Variants in CEP85L observed in about 807,000 individuals in gnomAD.
The protein encoded by CEP85L is centrosomal protein of 85 kDa-like.
In CEP85L, 60 loss-of-function variants were observed where a neutral mutation model predicts 100.3. That is an observed-to-expected ratio of 0.60 (90% CI 0.49 to 0.74). CEP85L has a LOEUF of 0.74. Among genes scored for constraint, CEP85L ranks in the 30% least tolerant of loss-of-function variants. CEP85L has a pLI of 0.00. For synonymous variants in CEP85L, 319 were observed against 322.7 expected (o/e 0.99, Z 0.12); for missense variants, 973 against 936.2 (o/e 1.04, Z -0.51).
At chr6:118,559,171 A>G in intron 3 of CEP85L, 2 of 933,982 alleles carry the variant, frequency 2.1e-6, no homozygotes, top group Non-Finnish European at 3.6e-6. Flanking sequence ...TGTATAACAG[A>G]CCACTTCCTG....
intron 3 of CEP85L, among the ~76,000 whole-genome samples, chr6:118,543,401 A>C (rs1288212170): frequency 6.6e-6 from 1 of 152,168 alleles, no homozygotes; most frequent in African/African-American, 2.4e-5. Context: ...AAAATATCTT[A>C]TTGAGCCTTC....
intron 3 of CEP85L, among the ~76,000 whole-genome samples, chr6:118,563,764 T>A (rs1779352471): frequency 6.6e-6 from 1 of 152,196 alleles, no homozygotes; most frequent in South Asian, 2.1e-4. Flanking sequence ...AGTCAATGTT[T>A]CAAAGAGGCT....
intron 2 of CEP85L, among the ~76,000 whole-genome samples, chr6:118,566,574 C>T (rs565636492): frequency 3.3e-5 from 5 of 151,964 alleles, no homozygotes; most frequent in African/African-American, 9.7e-5. Flanking sequence ...CCTGCCAGCA[C>T]GCCCGACTAA....
chr6:118,533,989 G>A (rs967724754), intron 3 of CEP85L, among the ~76,000 whole-genome samples: 2 of 152,072 alleles, frequency 1.3e-5, no homozygotes, highest in Non-Finnish European at 2.9e-5. Flanking sequence ...CAGCTACTCG[G>A]GAGGCTGAGG....
At chr6:118,562,296 A>G (rs575476937) in intron 3 of CEP85L, among the ~76,000 whole-genome samples, 8 of 152,322 alleles carry the variant, frequency 5.3e-5, no homozygotes, top group African/African-American at 1.9e-4. Flanking sequence ...GTTATAAATA[A>G]AACTTTTTCA....
intron 2 of CEP85L, among the ~76,000 whole-genome samples, chr6:118,608,364 G>A (rs545219700): frequency 2.6e-5 from 4 of 151,990 alleles, no homozygotes; most frequent in African/African-American, 4.8e-5. Context: ...GCGTGGTGGC[G>A]TACGCCTGAA....
upstream of CEP85L, among the ~76,000 whole-genome samples, chr6:118,655,353 G>A (rs1398548248): frequency 2.6e-5 from 4 of 152,208 alleles, no homozygotes; most frequent in Non-Finnish European, 1.5e-5. Flanking sequence ...GGGAGGGATA[G>A]AATTCTGCCA....
intron 10 of CEP85L, among the ~76,000 whole-genome samples, chr6:118,473,825 A>C (rs1297211047): frequency 6.6e-6 from 1 of 152,186 alleles, no homozygotes; most frequent in East Asian, 1.9e-4. Context: ...TGAGGAGTCA[A>C]GGATAAATCT....
At chr6:118,606,146 T>A (rs558267428) in intron 2 of CEP85L, among the ~76,000 whole-genome samples, 2 of 151,992 alleles carry the variant, frequency 1.3e-5, no homozygotes, top group Non-Finnish European at 2.9e-5. Context: ...GTTAAATATA[T>A]CTATAGCTTG....
At chr6:118,681,301 G>A (rs1776649726) in intron 1 of CEP85L, among the ~76,000 whole-genome samples, 1 of 152,158 alleles carries the variant, frequency 6.6e-6, no homozygotes, top group African/African-American at 2.4e-5. Flanking sequence ...AGAGCATTCT[G>A]TGCTGAGGTA....
chr6:118,709,530 G>GGTGTGTGTGTGTGTGT (rs1348981081), intron 1 of CEP85L, among the ~76,000 whole-genome samples: 2 of 9,226 alleles, frequency 2.2e-4, no homozygotes, highest in Non-Finnish European at 7.0e-4. Flanking sequence ...AACAACAATT[G>GGTGTGTGTGTGTGTGT]GCGTGTGTGT....
intron 1 of CEP85L, among the ~76,000 whole-genome samples, chr6:118,636,707 G>A (rs1774515040): frequency 6.6e-6 from 1 of 152,146 alleles, no homozygotes; most frequent in African/African-American, 2.4e-5. Context: ...AATTCTTCCT[G>A]CCTGATCCCC....
rs1775556251 is a variant in CEP85L at position 118,651,458 on chromosome 6, G to A, written c.-189C>T. On this transcript the variant is annotated 5_prime_UTR_variant, in exon 1 of 13. Coordinates refer to ENST00000368491, the MANE Select transcript of CEP85L (RefSeq NM_001042475.3). Reference sequence around the variant, plus strand: ...CAGGGGCCAGATTCGCCGCACTGCCGGCGCCTGCCATGGCCAAGCCGGCTG... The same window carrying A: ...CAGGGGCCAGATTCGCCGCACTGCCAGCGCCTGCCATGGCCAAGCCGGCTG... The A allele has an allele frequency of 4.5e-6, 6 of 1,319,876 alleles. No homozygotes were observed. The highest frequency in any genetic ancestry group is 5.8e-6 in the Non-Finnish European group (6 of 1,038,252). 81.8% of individuals were successfully genotyped at this position (1,319,876 alleles called of 1,614,324 possible).
At chr6:118,538,515 T>C (rs896433367) in intron 3 of CEP85L, among the ~76,000 whole-genome samples, 1 of 152,080 alleles carries the variant, frequency 6.6e-6, no homozygotes, top group African/African-American at 2.4e-5. Flanking sequence ...CTCTTTTCTT[T>C]TGGAGGGAGA....
intron 3 of CEP85L, 32 bp from the exon 4 acceptor site, chr6:118,523,952 T>C: frequency 1.2e-6 from 1 of 864,680 alleles, no homozygotes; most frequent in Non-Finnish European, 1.8e-6. Context: ...ATTAGTATAC[T>C]AAAATATTTA....
At chr6:118,498,481 TA>T (rs1373869451) in intron 5 of CEP85L, among the ~76,000 whole-genome samples, 1 of 151,906 alleles carries the variant, frequency 6.6e-6, no homozygotes, top group Admixed American at 6.6e-5. Flanking sequence ...TTGGAGATTT[TA>T]ACAACTGTAT....
At chr6:118,589,081 C>T in intron 2 of CEP85L, 1 of 314,780 alleles carries the variant, frequency 3.2e-6, no homozygotes, top group Admixed American at 3.3e-5. Context: ...TGAACGGAGA[C>T]AGCACCTTTG....
chr6:118,697,084 T>G (rs1193932064), intron 1 of CEP85L, among the ~76,000 whole-genome samples: 1 of 152,168 alleles, frequency 6.6e-6, no homozygotes, highest in East Asian at 1.9e-4. Context: ...TGGGGTTGTA[T>G]GGCCCTTTTT....
intron 1 of CEP85L, among the ~76,000 whole-genome samples, chr6:118,702,840 C>CA (rs1207223466): frequency 2.0e-5 from 3 of 151,824 alleles, no homozygotes; most frequent in African/African-American, 7.3e-5. Context: ...ACTAAAAATA[C>CA]AAAAAATAAG....
Sources: allele counts gnomAD v4.1 joint callset (sites outside exome capture counted in the v4.1 genomes callset), GRCh38; gene constraint gnomAD v4.1.1; transcripts MANE v1.5; gene names NCBI Gene and HGNC (gene_info 2026-07-23, HGNC 2026-07-21).